The following ANKRD36C variants were observed in gnomAD, a reference collection of about 807,000 sequenced individuals.
ANKRD36C encodes the protein ankyrin repeat domain 36C, also known as ankyrin repeat domain-containing protein 36C.
ANKRD36C carries 61 observed loss-of-function variants against 276.4 expected under a neutral mutation model. That is an observed-to-expected ratio of 0.22 (90% confidence interval 0.18 to 0.27). The LOEUF (loss-of-function observed/expected upper bound fraction) is 0.27, where lower values mean the gene tolerates loss of function less well. Among genes scored for constraint, ANKRD36C ranks in the 10% least tolerant of loss-of-function variants. ANKRD36C has a pLI of 1.00. For synonymous variants in ANKRD36C, 483 were observed against 680.1 expected, an observed-to-expected ratio of 0.71 and a Z score of 4.51; for missense variants, 1,447 against 2,032.3, an observed-to-expected ratio of 0.71 and a Z score of 5.54.
chr2:95,976,323 T>C (rs1678808476), intron 6 of ANKRD36C, among the ~76,000 whole-genome samples: 2 of 152,314 alleles, frequency 1.3e-5, no homozygotes, highest in East Asian at 1.9e-4. Context: ...TAAAGACACA[T>C]GCACATGTCT....
intron 24 of ANKRD36C, among the ~76,000 whole-genome samples, chr2:95,930,723 C>A (rs1463319601): frequency 2.0e-5 from 3 of 151,300 alleles, no homozygotes; most frequent in Non-Finnish European, 4.4e-5. Flanking sequence ...AAAATACATT[C>A]TTTGATTCCT....
chr2:95,869,883 C>T (rs1675764295), intron 59 of ANKRD36C, among the ~76,000 whole-genome samples: 1 of 152,268 alleles, frequency 6.6e-6, no homozygotes. Flanking sequence ...CTCAGAGGGT[C>T]CTACGCCCAT....
At chr2:95,875,569 T>C (rs1206489724) in intron 59 of ANKRD36C, among the ~76,000 whole-genome samples, 3 of 147,198 alleles carry the variant, frequency 2.0e-5, no homozygotes, top group Admixed American at 2.0e-4. Context: ...TTAGGAGATA[T>C]ACCTAATGCT....
chr2:95,980,698 A>G (rs1392590239), exon 5 of ANKRD36C: 1 of 1,612,546 alleles, frequency 6.2e-7, no homozygotes, highest in Non-Finnish European at 8.5e-7. Flanking sequence ...TTCCATACAC[A>G]TCTCGAGAAA....
chr2:95,965,992 G>A lies in ANKRD36C; in HGVS notation c.800-3445C>T, dbSNP rs147000504. Among the ~76,000 whole-genome samples, 250 of 152,074 alleles carry A rather than the reference G, an allele frequency of 1.6e-3. 1 individual carries two copies. Among genetic ancestry groups the A allele is most frequent in the African/African-American group, 5.3e-3 (219 of 41,498 alleles). On this transcript the variant is annotated intron_variant, in intron 6 of 66. Transcript: ENST00000456556. ...TAATTCAAGTTCTTGGTTACATGTC[G>A]TCAATAAGTTTTAGTAGTATAGAGA...
chr2:95,875,244 G>A (rs976207704), intron 59 of ANKRD36C, among the ~76,000 whole-genome samples: 14 of 151,836 alleles, frequency 9.2e-5, no homozygotes, highest in African/African-American at 2.4e-4. Flanking sequence ...TGTTTATTGC[G>A]GCACTATTCA....
chr2:95,891,982 T>G, intron 44 of ANKRD36C, 122 bp from the exon 65 acceptor site: 1 of 1,483,152 alleles, frequency 6.7e-7, no homozygotes, highest in East Asian at 2.5e-5. Context: ...CTTTGATGGC[T>G]TCTACTTTGT....
exon 63 of ANKRD36C, chr2:95,855,837 A>G (rs562706331): frequency 6.2e-7 from 1 of 1,613,920 alleles, no homozygotes; most frequent in Admixed American, 1.7e-5. Flanking sequence ...ATGATCACAT[A>G]GAGCAGCATT....
chr2:95,916,972 C>A (rs904580024), intron 36 of ANKRD36C, among the ~76,000 whole-genome samples: 5 of 151,482 alleles, frequency 3.3e-5, no homozygotes, highest in African/African-American at 1.2e-4. Context: ...TTGAAAATGA[C>A]CATTTTAGGA....
At chr2:95,934,086 T>C (rs1336340180) in intron 24 of ANKRD36C, among the ~76,000 whole-genome samples, 1 of 152,200 alleles carries the variant, frequency 6.6e-6, no homozygotes, top group Non-Finnish European at 1.5e-5. Context: ...TGGTGATCAT[T>C]AAAACCTCAG....
At chr2:95,894,720 T>A (rs1472937805) in intron 44 of ANKRD36C, among the ~76,000 whole-genome samples, 1 of 151,388 alleles carries the variant, frequency 6.6e-6, no homozygotes, top group Middle Eastern at 3.2e-3. Flanking sequence ...AAAACATGTA[T>A]CTCTGATGCC....
At chr2:95,894,321 A>G (rs1194618988) in intron 44 of ANKRD36C, 2 of 153,088 alleles carry the variant, frequency 1.3e-5, no homozygotes, top group African/African-American at 4.8e-5. Context: ...TGGTATAAAA[A>G]TTTGCTTAAG....
chr2:95,911,867 C>T (rs1331326074), intron 42 of ANKRD36C, among the ~76,000 whole-genome samples: 1 of 151,224 alleles, frequency 6.6e-6, no homozygotes, highest in Admixed American at 6.6e-5. Flanking sequence ...TTATTATGAA[C>T]AGCTTTCTGC....
At chr2:95,893,821 C>T in intron 44 of ANKRD36C, 97 bp from the exon 63 acceptor site, 1 of 1,582,196 alleles carries the variant, frequency 6.3e-7, no homozygotes, top group Non-Finnish European at 8.6e-7. Context: ...GTCCTCCTGC[C>T]TGTATTAGCG....
intron 59 of ANKRD36C, among the ~76,000 whole-genome samples, chr2:95,872,974 T>C (rs1182593898): frequency 1.3e-5 from 2 of 152,186 alleles, no homozygotes; most frequent in African/African-American, 2.4e-5. Flanking sequence ...CAGGAAGAAG[T>C]TGAATCTCTG....
At chr2:95,987,586 A>T (rs577860009) in intron 1 of ANKRD36C, among the ~76,000 whole-genome samples, 14 of 145,396 alleles carry the variant, frequency 9.6e-5, no homozygotes, top group Non-Finnish European at 2.0e-4. Flanking sequence ...TAATTTTTAG[A>T]TATTACTACT....
chr2:95,923,509 A>G (rs1476226707), exon 32 of ANKRD36C: 2 of 1,610,952 alleles, frequency 1.2e-6, no homozygotes. Context: ...CCCACATTGT[A>G]GTCCATCCTT....
chr2:95,974,558 C>G (rs1678765590), intron 6 of ANKRD36C, among the ~76,000 whole-genome samples: 1 of 152,128 alleles, frequency 6.6e-6, no homozygotes, highest in Non-Finnish European at 1.5e-5. Context: ...TGTCCCAGAA[C>G]ACAGAGACTT....
rs376727028 is a variant in ANKRD36C, at chr2:95,897,356, G to C, written c.2755+1789C>G. ...ATCTCTTGTAGCCTGAATGGAATTT[G>C]AAATGAAATAATAAATTAATAAAGT... is the stretch of plus-strand genomic sequence containing the variant. On this transcript the variant is annotated intron_variant, in intron 44 of 66. Coordinates refer to ENST00000456556, the Ensembl canonical transcript of ANKRD36C. 3 of 1,557,158 alleles carry C rather than the reference G, an allele frequency of 1.9e-6. No homozygotes were observed. In the Admixed American group the frequency reaches 5.5e-5, roughly 29 times the overall value.
Sources: allele counts gnomAD v4.1 joint callset (sites outside exome capture counted in the v4.1 genomes callset), GRCh38; gene constraint gnomAD v4.1.1; transcripts MANE v1.5; gene names NCBI Gene and HGNC (gene_info 2026-07-23, HGNC 2026-07-21).